Variants in SNTG1 observed in about 807,000 individuals in gnomAD.
SNTG1 encodes the protein gamma-1-syntrophin.
A neutral mutation model predicts 74.7 loss-of-function variants in SNTG1; 39 were observed. The observed-to-expected ratio is 0.52, with a 90% confidence interval of 0.40 to 0.68. The LOEUF is 0.68. Ranked by LOEUF, SNTG1 falls within the 30% of genes least tolerant of loss-of-function variation. The pLI, the probability that SNTG1 is intolerant of heterozygous loss-of-function variation, is 0.00. For synonymous variants in SNTG1, 254 were observed against 217.1 expected (o/e 1.17, Z -1.49); for missense variants, 685 against 609.5 (o/e 1.12, Z -1.30).
chr8:50,796,372 T>C lies in SNTG1; in HGVS notation c.*3543T>C, dbSNP rs1802812287. On this transcript the variant is annotated 3_prime_UTR_variant, in exon 19 of 19. Coordinates refer to ENST00000642720, the MANE Select transcript of SNTG1 (RefSeq NM_018967.5). ...TTTATTCATACTTCTAAAATTGTTC[T>C]TTATTGTTTATTCTTACTACCGAAT... 1 of 151,988 alleles carries C rather than the reference T, an allele frequency of 6.6e-6. No individual in the cohort carries two copies. The highest frequency in any genetic ancestry group is 2.1e-4 in the South Asian group (1 of 4,828). The allele number at this position is 151,988 out of a possible 1,614,324, so 9.4% of individuals were successfully genotyped here.
At chr8:50,073,090 T>A (rs1821518345) in intron 1 of SNTG1, among the ~76,000 whole-genome samples, 1 of 152,180 alleles carries the variant, frequency 6.6e-6, no homozygotes, top group African/African-American at 2.4e-5. Context: ...ATCAGTTGAT[T>A]GTTCCTTTCA....
chr8:50,779,737 T>C (rs1256908605), intron 18 of SNTG1, among the ~76,000 whole-genome samples: 1 of 146,928 alleles, frequency 6.8e-6, no homozygotes, highest in African/African-American at 2.6e-5. Context: ...CTTCCAACAC[T>C]ATGTTGAATA....
intron 1 of SNTG1, among the ~76,000 whole-genome samples, chr8:50,073,062 A>C (rs562516761): frequency 1.2e-3 from 179 of 152,302 alleles, no homozygotes; most frequent in African/African-American, 4.2e-3. Context: ...AAAATGAGAC[A>C]ACACTGAAGC....
chr8:50,174,048 T>C (rs1354372540), intron 2 of SNTG1, among the ~76,000 whole-genome samples: 1 of 152,196 alleles, frequency 6.6e-6, no homozygotes, highest in Non-Finnish European at 1.5e-5. Context: ...CCATGTGTTC[T>C]TGTTATTGAG....
intron 15 of SNTG1, among the ~76,000 whole-genome samples, chr8:50,689,833 C>T (rs899029242): frequency 3.5e-4 from 54 of 152,250 alleles, no homozygotes; most frequent in African/African-American, 1.3e-3. Context: ...GTACCAGCTC[C>T]TCTTTGTACC....
At chr8:50,026,701 G>A (rs1585951153) in intron 1 of SNTG1, among the ~76,000 whole-genome samples, 1 of 145,092 alleles carries the variant, frequency 6.9e-6, no homozygotes, top group Non-Finnish European at 1.5e-5. Context: ...TTGTGTGTAC[G>A]TGTGTGTGTG....
intron 17 of SNTG1, among the ~76,000 whole-genome samples, chr8:50,727,583 G>C (rs889959288): frequency 6.6e-6 from 1 of 152,152 alleles, no homozygotes; most frequent in African/African-American, 2.4e-5. Context: ...TGGTCCTTCT[G>C]TAGAAAACAA....
At chr8:50,725,509 C>T (rs1013022508) in intron 17 of SNTG1, among the ~76,000 whole-genome samples, 13 of 151,960 alleles carry the variant, frequency 8.6e-5, no homozygotes, top group Non-Finnish European at 1.5e-4. Flanking sequence ...AACAACAAAA[C>T]GTCTTTTACA....
At chr8:50,065,179 G>A (rs1290512912) in intron 1 of SNTG1, among the ~76,000 whole-genome samples, 2 of 152,132 alleles carry the variant, frequency 1.3e-5, no homozygotes, top group Non-Finnish European at 2.9e-5. Context: ...TTATTGGCAG[G>A]TGATTTTCAA....
intron 1 of SNTG1, among the ~76,000 whole-genome samples, chr8:50,013,939 T>C (rs1191770613): frequency 5.3e-5 from 8 of 152,130 alleles, no homozygotes; most frequent in Non-Finnish European, 1.2e-4. Flanking sequence ...TCTAACTCAA[T>C]GTTAATGTGA....
intron 1 of SNTG1, among the ~76,000 whole-genome samples, chr8:50,002,808 G>A (rs1814867532): frequency 6.6e-6 from 1 of 152,062 alleles, no homozygotes; most frequent in South Asian, 2.1e-4. Context: ...AATGTGAATA[G>A]CAACAGAATT....
chr8:50,195,889 A>G (rs568422470), intron 2 of SNTG1, among the ~76,000 whole-genome samples: 1 of 152,096 alleles, frequency 6.6e-6, no homozygotes, highest in African/African-American at 2.4e-5. Context: ...ATTCACAATG[A>G]GAGTTTGCGC....
intron 1 of SNTG1, among the ~76,000 whole-genome samples, chr8:49,966,187 G>C (rs1811119680): frequency 6.6e-6 from 1 of 152,100 alleles, no homozygotes; most frequent in South Asian, 2.1e-4. Context: ...GTCTAATTAG[G>C]TTTGAAGCTT....
intron 2 of SNTG1, among the ~76,000 whole-genome samples, chr8:50,195,354 C>G (rs1440154841): frequency 6.6e-6 from 1 of 151,944 alleles, no homozygotes; most frequent in Non-Finnish European, 1.5e-5. Flanking sequence ...AAAACTTGCC[C>G]CGGGATACCT....
At chr8:50,330,012 C>T (rs536965859) in intron 2 of SNTG1, among the ~76,000 whole-genome samples, 6 of 152,216 alleles carry the variant, frequency 3.9e-5, no homozygotes, top group Admixed American at 1.3e-4. Context: ...CAAGAAGTTC[C>T]GCGTATCCAT....
intron 8 of SNTG1, among the ~76,000 whole-genome samples, chr8:50,495,023 C>T (rs2093891474): frequency 6.6e-6 from 1 of 151,920 alleles, no homozygotes; most frequent in Non-Finnish European, 1.5e-5. Context: ...AAATAATTAT[C>T]AAAATCAAAC....
intron 1 of SNTG1, among the ~76,000 whole-genome samples, chr8:50,003,797 C>A (rs1180922766): frequency 6.6e-6 from 1 of 151,976 alleles, no homozygotes; most frequent in East Asian, 1.9e-4. Flanking sequence ...TGGAAAACAC[C>A]CAAATGAAAA....
At chr8:50,314,946 C>T (rs1450136) in intron 2 of SNTG1, among the ~76,000 whole-genome samples, 33,840 of 149,028 alleles carry the variant, frequency 0.23, 4,995 homozygotes, top group Middle Eastern at 0.32. Flanking sequence ...ACAGTTTTTA[C>T]GCCCCTTATG....
chr8:50,014,617 G>A (rs1027093356), intron 1 of SNTG1, among the ~76,000 whole-genome samples: 2 of 152,076 alleles, frequency 1.3e-5, no homozygotes, highest in Non-Finnish European at 2.9e-5. Context: ...CTTGTAATAC[G>A]CTGCCTGAAG....
Sources: gnomAD v4.1 joint callset for allele counts (sites outside exome capture counted in the v4.1 genomes callset) on GRCh38, gnomAD v4.1.1 for gene constraint, MANE v1.5 for transcripts, NCBI Gene and HGNC (gene_info 2026-07-23, HGNC 2026-07-21) for gene names.